The following AGBL1 variants were observed in gnomAD, a reference collection of about 807,000 sequenced individuals.
The protein encoded by AGBL1 is cytosolic carboxypeptidase 4.
Under a neutral mutation model 118.9 loss-of-function variants are expected in AGBL1, and 130 were observed. The ratio of observed to expected loss-of-function variants is 1.09; its 90% CI spans 0.95 to 1.26. The LOEUF (loss-of-function observed/expected upper bound fraction) is 1.26. Ranked by LOEUF, AGBL1 falls within the 50% of genes most tolerant of loss-of-function variation. The pLI is 0.00. For synonymous variants in AGBL1, 555 were observed against 478.9 expected, an observed-to-expected ratio of 1.16 and a Z score of -2.08; for missense variants, 1,584 against 1,298.1, an observed-to-expected ratio of 1.22 and a Z score of -3.38.
chr15:86,209,316 T>C (rs574425140), intron 5 of AGBL1, among the ~76,000 whole-genome samples: 4 of 152,314 alleles, frequency 2.6e-5, no homozygotes, highest in African/African-American at 7.2e-5. Flanking sequence ...GAGAGTTCTG[T>C]AGATGTCTAT....
At chr15:86,996,262 G>C (rs1336193069) in intron 24 of AGBL1, among the ~76,000 whole-genome samples, 1 of 152,106 alleles carries the variant, frequency 6.6e-6, no homozygotes, top group African/African-American at 2.4e-5. Flanking sequence ...CTATCTCCCA[G>C]ATCAAGCAGC....
intron 16 of AGBL1, among the ~76,000 whole-genome samples, chr15:86,287,327 T>G (rs1567178953): frequency 1.3e-5 from 2 of 152,216 alleles, no homozygotes; most frequent in Admixed American, 6.5e-5. Context: ...GTGAATTGTT[T>G]CCTTTGCTAT....
chr15:86,097,393 A>G (rs149459949), intron 1 of AGBL1, among the ~76,000 whole-genome samples: 1,554 of 152,176 alleles, frequency 0.01, 41 homozygotes, highest in African/African-American at 0.036. Context: ...CCACTCTCCT[A>G]TTGAACACTA....
chr15:86,158,084 G>T (rs1465110529), intron 4 of AGBL1, among the ~76,000 whole-genome samples: 3 of 152,170 alleles, frequency 2.0e-5, no homozygotes, highest in African/African-American at 7.2e-5. Flanking sequence ...AGATTGATGG[G>T]CAGGACTAGG....
chr15:86,874,732 T>C (rs1164093522), intron 22 of AGBL1, among the ~76,000 whole-genome samples: 2 of 152,206 alleles, frequency 1.3e-5, no homozygotes, highest in African/African-American at 4.8e-5. Flanking sequence ...CAAATACTTT[T>C]AAATGTAACC....
chr15:86,835,534 T>C (rs1357695257), intron 22 of AGBL1, among the ~76,000 whole-genome samples: 1 of 152,024 alleles, frequency 6.6e-6, no homozygotes, highest in East Asian at 1.9e-4. Flanking sequence ...GAAAAAGCAT[T>C]CTATAAGAGA....
At chr15:86,376,521 G>T (rs1181419438) in intron 17 of AGBL1, among the ~76,000 whole-genome samples, 3 of 152,222 alleles carry the variant, frequency 2.0e-5, no homozygotes, top group African/African-American at 7.2e-5. Flanking sequence ...ATCCTGGTTG[G>T]CATTACTTCC....
At chr15:86,781,908 G>T (rs1047166016) in intron 22 of AGBL1, among the ~76,000 whole-genome samples, 2 of 151,582 alleles carry the variant, frequency 1.3e-5, no homozygotes, top group African/African-American at 4.9e-5. Flanking sequence ...AATTGGCCTT[G>T]TTATAGCTAT....
chr15:86,770,436 A>C (rs1028230894), intron 22 of AGBL1, among the ~76,000 whole-genome samples: 4 of 151,968 alleles, frequency 2.6e-5, no homozygotes, highest in African/African-American at 7.2e-5. Flanking sequence ...CTGCTGCTAA[A>C]CACCTTAGAA....
At chr15:86,999,226 A>T (rs541509340) in intron 24 of AGBL1, among the ~76,000 whole-genome samples, 193 of 150,022 alleles carry the variant, frequency 1.3e-3, no homozygotes, top group Middle Eastern at 3.8e-3. Flanking sequence ...TTATATATAT[A>T]TTTTTTATTA....
chr15:86,294,476 T>G (rs905515616), intron 16 of AGBL1, among the ~76,000 whole-genome samples: 3 of 151,824 alleles, frequency 2.0e-5, no homozygotes, highest in Admixed American at 2.0e-4. Flanking sequence ...ATTTTTTTTT[T>G]TAAATGAGTA....
At chr15:86,297,810 T>G (rs1234795966) in intron 17 of AGBL1, among the ~76,000 whole-genome samples, 1 of 152,148 alleles carries the variant, frequency 6.6e-6, no homozygotes, top group Non-Finnish European at 1.5e-5. Flanking sequence ...TTCAACATTG[T>G]TATTCTGATT....
intron 17 of AGBL1, among the ~76,000 whole-genome samples, chr15:86,329,602 C>T (rs965676582): frequency 6.6e-6 from 1 of 151,326 alleles, no homozygotes; most frequent in African/African-American, 2.4e-5. Context: ...GTCAAGCAGC[C>T]TGAGCCGCCT....
At chr15:86,197,560 G>A (rs1056551088) in intron 5 of AGBL1, among the ~76,000 whole-genome samples, 7 of 152,176 alleles carry the variant, frequency 4.6e-5, no homozygotes, top group Non-Finnish European at 7.3e-5. Flanking sequence ...AAATGTTGAA[G>A]ATGTGGCTAT....
chr15:86,092,012 C>A (rs1896060859), intron 1 of AGBL1, among the ~76,000 whole-genome samples: 1 of 152,100 alleles, frequency 6.6e-6, no homozygotes, highest in African/African-American at 2.4e-5. Context: ...AGCATTTGTA[C>A]CTCTCTCTTG....
chr15:86,932,974 G>A (rs1299670418), intron 23 of AGBL1: 1 of 152,148 alleles, frequency 6.6e-6, no homozygotes, highest in African/African-American at 2.4e-5. Context: ...CTAAGTGTAA[G>A]TCATTCTTCT....
intron 5 of AGBL1, among the ~76,000 whole-genome samples, chr15:86,223,191 C>T (rs1015382477): frequency 1.3e-5 from 2 of 152,096 alleles, no homozygotes; most frequent in African/African-American, 4.8e-5. Flanking sequence ...TCTCATAAAA[C>T]CATTATCTAA....
intron 22 of AGBL1, among the ~76,000 whole-genome samples, chr15:86,898,609 G>A (rs2080166884): frequency 6.6e-6 from 1 of 152,086 alleles, no homozygotes; most frequent in Non-Finnish European, 1.5e-5. Flanking sequence ...ACAGTAAACA[G>A]AAAATCTACA....
intron 18 of AGBL1, among the ~76,000 whole-genome samples, chr15:86,503,804 AT>A: frequency 6.6e-6 from 1 of 151,480 alleles, no homozygotes; most frequent in Admixed American, 6.6e-5. Context: ...TATTTGTATG[AT>A]TTAAATCATT....
Sources: gnomAD v4.1 joint callset for allele counts (sites outside exome capture counted in the v4.1 genomes callset) on GRCh38, gnomAD v4.1.1 for gene constraint, MANE v1.5 for transcripts, NCBI Gene and HGNC (gene_info 2026-07-23, HGNC 2026-07-21) for gene names.